The following ZFAND6 variants were observed in gnomAD, a reference collection of about 807,000 sequenced individuals.
ZFAND6 encodes zinc finger AN1-type containing 6.
ZFAND6 carries 12 observed loss-of-function variants against 24.5 expected under a neutral mutation model. The ratio of observed to expected loss-of-function variants is 0.49; its 90% CI spans 0.31 to 0.79. The LOEUF is 0.79. Ranked by LOEUF, ZFAND6 falls within the 30% of genes least tolerant of loss-of-function variation. ZFAND6 has a pLI of 0.04. For missense variants in ZFAND6, 207 were observed against 245.9 expected, an observed-to-expected ratio of 0.84 and a Z score of 1.06; for synonymous variants, 92 against 81.5, an observed-to-expected ratio of 1.13 and a Z score of -0.69.
At chr15:80,099,589 G>A (rs557006293) in intron 2 of ZFAND6, among the ~76,000 whole-genome samples, 25 of 145,822 alleles carry the variant, frequency 1.7e-4, no homozygotes, top group Admixed American at 5.6e-4. Context: ...TTTAGAAAAC[G>A]TGAAGAATAC....
intron 2 of ZFAND6, among the ~76,000 whole-genome samples, chr15:80,102,013 G>C (rs1354836898): frequency 6.6e-6 from 1 of 151,744 alleles, no homozygotes; most frequent in Non-Finnish European, 1.5e-5. Flanking sequence ...AGCCAGGATG[G>C]TCTTGATCTC....
At chr15:80,060,270 A>C (rs1158280669) in intron 1 of ZFAND6, 1 of 151,854 alleles carries the variant, frequency 6.6e-6, no homozygotes, top group Non-Finnish European at 1.5e-5. Flanking sequence ...ATGTTTTTCC[A>C]CCTGCGGCGT....
chr15:80,084,993 A>G (rs557469034), intron 1 of ZFAND6, among the ~76,000 whole-genome samples: 1 of 152,344 alleles, frequency 6.6e-6, no homozygotes, highest in Non-Finnish European at 1.5e-5. Context: ...TCTGTAATGA[A>G]CAAGATACTT....
intron 6 of ZFAND6, among the ~76,000 whole-genome samples, chr15:80,133,517 G>C (rs576610263): frequency 9.8e-4 from 149 of 152,242 alleles, no homozygotes; most frequent in African/African-American, 3.5e-3. Context: ...TTAGAAAAAG[G>C]TTTGGCTTTG....
At chr15:80,131,348 A>G in intron 6 of ZFAND6, 55 bp downstream of exon 6, 1 of 1,449,758 alleles carries the variant, frequency 6.9e-7, no homozygotes, top group East Asian at 2.3e-5. Context: ...AATAATGCAT[A>G]GCTTACTGTT....
upstream of ZFAND6, among the ~76,000 whole-genome samples, chr15:80,059,160 G>A (rs2036193565): frequency 6.6e-6 from 1 of 152,250 alleles, no homozygotes; most frequent in East Asian, 1.9e-4. Flanking sequence ...CTCGGACTTT[G>A]CGCTTGCAGA....
At chr15:80,131,488 T>A (rs906278789) in intron 6 of ZFAND6, 195 bp downstream of exon 6, 3 of 467,706 alleles carry the variant, frequency 6.4e-6, no homozygotes, top group East Asian at 6.3e-5. Flanking sequence ...ATAGCTTTTT[T>A]AAAAAAAGTT....
At chr15:80,118,044 GTATATACATATATGTATACATA>G (rs1160373715) in intron 2 of ZFAND6, among the ~76,000 whole-genome samples, 1 of 150,094 alleles carries the variant, frequency 6.7e-6, no homozygotes, top group African/African-American at 2.5e-5. Context: ...GTATATGTAT[GTATATACATATATGTATACATA>G]TGTATACATA....
At chr15:80,076,299 G>A (rs954745607) in intron 1 of ZFAND6, among the ~76,000 whole-genome samples, 4 of 152,016 alleles carry the variant, frequency 2.6e-5, no homozygotes, top group African/African-American at 9.7e-5. Context: ...GCCAGAATCT[G>A]ATTGTCATTC....
In ZFAND6 at chr15:80,089,945, A is replaced by G. The variant is rs142592303; in HGVS notation, c.-180-8471A>G. Reference sequence around the variant, plus strand: ...TTTTATTTAGTCTGTAATATCCTTCATCCTCATTCAAAATATTAAGGTGAG... The same window carrying G: ...TTTTATTTAGTCTGTAATATCCTTCGTCCTCATTCAAAATATTAAGGTGAG... On this transcript the variant is annotated intron_variant, in intron 1 of 6. Transcript: ENST00000261749. Among the ~76,000 whole-genome samples the G allele has an allele frequency of 1.8e-4, 28 of 152,284 alleles. No individual in the cohort carries two copies. In the East Asian group the frequency reaches 5.2e-3, roughly 28 times the overall value.
chr15:80,086,475 A>G (rs1309984544), intron 1 of ZFAND6, among the ~76,000 whole-genome samples: 3 of 152,208 alleles, frequency 2.0e-5, no homozygotes, highest in South Asian at 4.1e-4. Context: ...CTGTCACCCA[A>G]AATATTCCTT....
chr15:80,101,791 GTTTTTT>G (rs750632508), intron 2 of ZFAND6, among the ~76,000 whole-genome samples: 1 of 123,106 alleles, frequency 8.1e-6, no homozygotes, highest in Non-Finnish European at 1.7e-5. Context: ...TATGTAAAGT[GTTTTTT>G]TTTTTTTTTT....
intron 2 of ZFAND6, among the ~76,000 whole-genome samples, chr15:80,108,765 C>CT (rs1203010408): frequency 6.6e-6 from 1 of 151,488 alleles, no homozygotes; most frequent in Non-Finnish European, 1.5e-5. Flanking sequence ...GAGTCTCACT[C>CT]TGTTGCCCAG....
intron 2 of ZFAND6, among the ~76,000 whole-genome samples, chr15:80,115,376 A>C (rs1216824576): frequency 6.6e-6 from 1 of 152,138 alleles, no homozygotes; most frequent in Non-Finnish European, 1.5e-5. Flanking sequence ...TATCTGGTAG[A>C]GTGATCTTAC....
chr15:80,125,676 A>G (rs1367963498), intron 5 of ZFAND6, among the ~76,000 whole-genome samples: 1 of 152,236 alleles, frequency 6.6e-6, no homozygotes, highest in African/African-American at 2.4e-5. Context: ...CACAAATGCT[A>G]GCTTTTAAAA....
intron 1 of ZFAND6, among the ~76,000 whole-genome samples, chr15:80,070,240 T>G (rs1312853465): frequency 6.6e-6 from 1 of 152,204 alleles, no homozygotes; most frequent in Non-Finnish European, 1.5e-5. Flanking sequence ...TGGCTTGTTC[T>G]CTTCTAAATT....
At chr15:80,103,063 C>T (rs974620410) in intron 2 of ZFAND6, among the ~76,000 whole-genome samples, 1 of 152,186 alleles carries the variant, frequency 6.6e-6, no homozygotes, top group African/African-American at 2.4e-5. Flanking sequence ...GTCTAATCAC[C>T]TTGTCTGGAG....
intron 1 of ZFAND6, among the ~76,000 whole-genome samples, chr15:80,097,647 G>C (rs2038804812): frequency 8.5e-6 from 1 of 118,250 alleles, no homozygotes; most frequent in South Asian, 2.9e-4. Flanking sequence ...GAACGAAACT[G>C]TCTCAAATAA....
At position 80,131,187 on chromosome 15, in the gene ZFAND6, A is replaced by G. The variant is rs1410450382; in HGVS notation, c.372A>G (p.Val124=). Reference sequence around the variant, plus strand: ...CCTTCGTATTTTTGTTAGCTTCAGTATCAGACACAGCACAGCAGCCATCTG... The same window carrying G: ...CCTTCGTATTTTTGTTAGCTTCAGTGTCAGACACAGCACAGCAGCCATCTG... The part of the protein sequence containing the change: ...VPETEDVQAS[V]SDTAQQPSEE... The change falls in exon 6 of 7, where the codon GTA becomes GTG. Residue 124 remains valine, a synonymous_variant. Transcript: ENST00000261749. The G allele has an allele frequency of 6.3e-7, 1 of 1,585,132 alleles. No homozygotes were observed. The highest frequency in any genetic ancestry group is 8.6e-7 in the Non-Finnish European group (1 of 1,164,854).
Sources: gnomAD v4.1 joint callset for allele counts (sites outside exome capture counted in the v4.1 genomes callset) on GRCh38, gnomAD v4.1.1 for gene constraint, MANE v1.5 for transcripts, NCBI Gene and HGNC (gene_info 2026-07-23, HGNC 2026-07-21) for gene names.